ANPEP: variants seen among roughly 807,000 people sequenced by gnomAD.
ANPEP encodes the protein alanyl aminopeptidase, membrane, also known as aminopeptidase N.
A neutral mutation model predicts 114.6 loss-of-function variants in ANPEP; 70 were observed. The observed-to-expected ratio is 0.61, with a 90% CI of 0.50 to 0.75. The LOEUF (loss-of-function observed/expected upper bound fraction) is 0.75, where lower values mean the gene tolerates loss of function less well. Ranked by LOEUF, ANPEP falls within the 30% of genes least tolerant of loss-of-function variation. ANPEP has a pLI of 0.00. For synonymous variants in ANPEP, 548 were observed against 522.3 expected, an observed-to-expected ratio of 1.05 and a Z score of -0.67; for missense variants, 1,184 against 1,259.5, an observed-to-expected ratio of 0.94 and a Z score of 0.91.
rs779533907 is a variant in ANPEP at position 89,785,433 on chromosome 15, G to A, written c.2820C>T (p.Ala940=). The change falls in exon 21 of 21, where the codon GCC becomes GCT. Residue 940 remains alanine, a synonymous_variant. Coordinates refer to ENST00000300060, the MANE Select transcript of ANPEP (RefSeq NM_001150.3). ...FGSGTRALEQ[A]LEKTKANIKW... Reference sequence around the variant, plus strand: ...TGATGTTGGCTTTCGTCTTCTCCAGGGCTTGCTCCAGGGCCCGGGTGCCTG... The same window carrying A: ...TGATGTTGGCTTTCGTCTTCTCCAGAGCTTGCTCCAGGGCCCGGGTGCCTG... 24 of 1,614,028 alleles carry A rather than the reference G, an allele frequency of 1.5e-5. No individual in the cohort carries two copies. The highest frequency in any genetic ancestry group is 1.6e-4 in the Middle Eastern group (1 of 6,084).
intron 15 of ANPEP, among the ~76,000 whole-genome samples, chr15:89,797,083 G>C (rs1223142711): frequency 6.6e-6 from 1 of 152,040 alleles, no homozygotes; most frequent in African/African-American, 2.4e-5. Context: ...CTCCAAAGCA[G>C]CCAATACCCA....
rs749581855 is a variant in ANPEP, at chr15:89,805,095, C to A, written c.880G>T (p.Ala294Ser). Reference sequence around the variant, plus strand: ...CCTCATACCAAGACACCATTGGATGCCTGCTTCTCCACGTAGTCGAACTCA... The same window carrying A: ...CCTCATACCAAGACACCATTGGATGACTGCTTCTCCACGTAGTCGAACTCA... ...VSEFDYVEKQ[A>S]SNGVLIRIWA... is the part of the protein sequence containing the mutation. The change falls in exon 4 of 21, where the codon GCA (alanine) becomes TCA (serine). Residue 294 changes from alanine to serine, a missense_variant. Coordinates refer to ENST00000300060, the MANE Select transcript of ANPEP (RefSeq NM_001150.3). 1.9e-6 allele frequency: 3 copies of A among 1,614,108 alleles called. No homozygotes were observed. Among genetic ancestry groups the A allele is most frequent in the Non-Finnish European group, 2.5e-6 (3 of 1,180,030 alleles).
At chr15:89,792,897 C>A (rs1181452357) in intron 16 of ANPEP, 138 bp downstream of exon 16, 4 of 782,818 alleles carry the variant, frequency 5.1e-6, no homozygotes, top group South Asian at 3.3e-5. Flanking sequence ...CAGGGCAGGA[C>A]CTCCCTGCTC....
At position 89,804,233 on chromosome 15, in the gene ANPEP, T is replaced by G. The variant is rs199782208; in HGVS notation, c.1179+20A>C. ...GGAGCCCCTGTTTCCTTCTCCGCACTCCCCGAGATGGGGGTCTACCTGGTG... is the reference window on the plus strand; with the variant it reads ...GGAGCCCCTGTTTCCTTCTCCGCACGCCCCGAGATGGGGGTCTACCTGGTG... On this transcript the variant is annotated intron_variant, in intron 6 of 20. Coordinates refer to ENST00000300060, the MANE Select transcript of ANPEP (RefSeq NM_001150.3). 13 of 1,613,634 alleles carry G rather than the reference T, an allele frequency of 8.1e-6. No individual in the cohort carries two copies. The highest frequency in any genetic ancestry group is 1.0e-5 in the Non-Finnish European group (12 of 1,179,694).
In ANPEP at chr15:89,810,381, A is replaced by AAAAT. The variant is rs71464490; in HGVS notation, c.-223-3579_-223-3576dup. On this transcript the variant is annotated intron_variant, in intron 1 of 20. Transcript: ENST00000300060. ...GGGACGGTGTAAGACTCTGTCTCAA[A>AAAAT]AAATAAATAAATAAATAAATAAATA... Among the ~76,000 whole-genome samples the AAAAT allele has an allele frequency of 2.9e-3, 431 of 148,448 alleles. 1 individual carries two copies. The highest frequency in any genetic ancestry group is 6.9e-3 in the Middle Eastern group (2 of 290).
Position 89,806,710 on chromosome 15 carries a change from G to A in ANPEP, c.-127C>T, listed in dbSNP as rs1403386396. 9.3e-6 allele frequency: 13 copies of A among 1,395,816 alleles called. No homozygotes were observed. The highest frequency in any genetic ancestry group is 1.2e-5 in the Non-Finnish European group (13 of 1,061,154). The allele number at this position is 1,395,816 out of a possible 1,614,324, so 86.5% of individuals were successfully genotyped here. The stretch of plus-strand genomic sequence containing the variant: ...GCAGACTGGGCAAAAATTAACCAGG[G>A]CTCCAACAGGCGAAGGTCACTGGAC... On this transcript the variant is annotated 5_prime_UTR_variant, in exon 2 of 21. Coordinates refer to ENST00000300060, the MANE Select transcript of ANPEP (RefSeq NM_001150.3). The surrounding 1 kb of genome is among the most constrained non-coding windows in gnomAD (Gnocchi z 5.7).
chr15:89,793,538 T>C (rs1239307914), intron 15 of ANPEP, among the ~76,000 whole-genome samples: 1 of 151,804 alleles, frequency 6.6e-6, no homozygotes, highest in African/African-American at 2.4e-5. Context: ...ACGTCTCTAC[T>C]AAAACCACAA....
intron 1 of ANPEP, among the ~76,000 whole-genome samples, chr15:89,811,236 T>A (rs555222885): frequency 6.6e-6 from 1 of 152,370 alleles, no homozygotes; most frequent in East Asian, 1.9e-4. Context: ...TCCACCTTTG[T>A]GATTATTTAC....
chr15:89,801,146 C>T lies in ANPEP; in HGVS notation c.1784G>A (p.Arg595Lys), dbSNP rs1384882302. ...TATCAGCCAGTAGTCCTGCTGCTGT[C>T]TGCCATCTCTGATGGATGTGATGGG... ...IVPITSIRDG[R>K]QQQDYWLIDV... Residue 595 changes from arginine (R) to lysine (K), a missense_variant, in exon 12 of 21, where the codon AGA becomes AAA. By Grantham distance (26) the Arg-to-Lys change is conservative. Coordinates refer to ENST00000300060, the MANE Select transcript of ANPEP (RefSeq NM_001150.3). 3 of 1,614,072 alleles carry T rather than the reference C, an allele frequency of 1.9e-6. No individual in the cohort carries two copies. The highest frequency in any genetic ancestry group is 3.3e-4 in the Middle Eastern group (2 of 6,076).
At chr15:89,805,882 G>A (rs996692716) in intron 2 of ANPEP, 88 bp downstream of exon 2, 17 of 1,503,708 alleles carry the variant, frequency 1.1e-5, no homozygotes, top group Non-Finnish European at 1.5e-5. Flanking sequence ...TCAAAGGCCT[G>A]CAAGCTAAGT....
chr15:89,795,459 T>C (rs887315479), intron 15 of ANPEP, among the ~76,000 whole-genome samples: 4 of 151,014 alleles, frequency 2.6e-5, no homozygotes, highest in Non-Finnish European at 4.4e-5. Flanking sequence ...CCAGTCCTGA[T>C]TGGAAAAGGT....
intron 11 of ANPEP, 35 bp from the exon 12 acceptor site, chr15:89,801,222 C>T (rs758089954): frequency 5.9e-5 from 95 of 1,609,082 alleles, no homozygotes; most frequent in East Asian, 2.7e-4. Flanking sequence ...TGAGAGATGG[C>T]GGTGTGGTCA....
At position 89,792,277 on chromosome 15, in the gene ANPEP, C is replaced by T; in HGVS notation, c.2411G>A (p.Gly804Asp). Residue 804 changes from glycine to aspartate, a missense_variant, in exon 18 of 21, where the codon GGC becomes GAC. Transcript: ENST00000300060. Reference sequence around the variant, plus strand: ...GGCGAAGTCCCACTCCTCCTCCCCGCCCTGGGCGATAGCGTTGCAGTAGAC... The same window carrying T: ...GGCGAAGTCCCACTCCTCCTCCCCGTCCTGGGCGATAGCGTTGCAGTAGAC... ...STVYCNAIAQ[G>D]GEEEWDFAWE... The T allele has an allele frequency of 6.2e-7, 1 of 1,614,240 alleles. No homozygotes were observed. Among genetic ancestry groups the T allele is most frequent in the Non-Finnish European group, 8.5e-7 (1 of 1,180,050 alleles).
rs753539774 is a variant in ANPEP, at chr15:89,799,477, G to A, written c.1902C>T (p.Tyr634=). The change falls in exon 13 of 21, where the codon TAC becomes TAT. Residue 634 remains tyrosine (Y), a synonymous_variant. Transcript: ENST00000300060. The surrounding 1 kb of genome is among the most constrained non-coding windows in gnomAD (Gnocchi z 4.2). ...LNVTGYYRVN[Y]DEENWRKIQT... is the part of the protein sequence containing the mutation. Reference sequence around the variant, plus strand: ...GAATCTTCCTCCAGTTCTCTTCGTCGTAGTTCACCCGGTAATAGCCCGTCA... The same window carrying A: ...GAATCTTCCTCCAGTTCTCTTCGTCATAGTTCACCCGGTAATAGCCCGTCA... The A allele has an allele frequency of 2.4e-5, 38 of 1,614,164 alleles. No homozygotes were observed. The highest frequency in any genetic ancestry group is 4.4e-5 in the South Asian group (4 of 91,084).
intron 15 of ANPEP, among the ~76,000 whole-genome samples, chr15:89,794,887 C>A (rs1156430025): frequency 6.6e-6 from 1 of 152,148 alleles, no homozygotes; most frequent in Non-Finnish European, 1.5e-5. Flanking sequence ...AACCCATGGA[C>A]TAATTTTTGA....
Position 89,801,454 on chromosome 15 carries a change from T to C in ANPEP, c.1723A>G (p.Thr575Ala). The C allele has an allele frequency of 1.9e-6, 3 of 1,613,726 alleles. No individual in the cohort carries two copies. The highest frequency in any genetic ancestry group is 2.5e-6 in the Non-Finnish European group (3 of 1,179,894). Residue 575 changes from threonine (T) to alanine (A), a missense_variant, in exon 11 of 21, where the codon ACC (threonine) becomes GCC (alanine). Coordinates refer to ENST00000300060, the MANE Select transcript of ANPEP (RefSeq NM_001150.3). The stretch of plus-strand genomic sequence containing the variant: ...GCTCACTTGAATTCTGAGGGGCGGG[T>C]AACATTGGAATCGGGGTCAAGGAGG... The part of the protein sequence containing the change: ...HFLLDPDSNV[T>A]RPSEFNYVWI...
At chr15:89,798,227 CCAAA>C (rs1169355868) in intron 14 of ANPEP, among the ~76,000 whole-genome samples, 3 of 152,242 alleles carry the variant, frequency 2.0e-5, no homozygotes, top group Non-Finnish European at 4.4e-5. Context: ...GTACCTCACC[CCAAA>C]CAGAGTAGGT....
In ANPEP at chr15:89,801,490, G is replaced by C. The variant is rs373181522; in HGVS notation, c.1687C>G (p.Gln563Glu). 3.7e-6 allele frequency: 6 copies of C among 1,614,038 alleles called. No homozygotes were observed. The highest frequency in any genetic ancestry group is 4.2e-6 in the Non-Finnish European group (5 of 1,179,998). ...TCGGGGTCAAGGAGGAAGTGCTCCT[G>C]GGAAAGGGTCCCCGTGCTGGTATCC... is the stretch of plus-strand genomic sequence containing the variant. ...TVDTSTGTLSQEHFLLDPDSN... is the reference protein window; with the variant it reads ...TVDTSTGTLSEEHFLLDPDSN... The change falls in exon 11 of 21, where the codon CAG (glutamine) becomes GAG (glutamate). Residue 563 changes from glutamine (Q) to glutamate (E), a missense_variant. Physicochemically the swap from Gln to Glu is conservative, Grantham distance 29 (BLOSUM62 2). Coordinates refer to ENST00000300060, the MANE Select transcript of ANPEP (RefSeq NM_001150.3).
chr15:89,812,254 T>C (rs764888870), intron 1 of ANPEP, among the ~76,000 whole-genome samples: 53 of 152,212 alleles, frequency 3.5e-4, no homozygotes, highest in Non-Finnish European at 3.4e-4. Context: ...TCCCACTCAG[T>C]GTCCCTGACT....
Sources: allele counts gnomAD v4.1 joint callset (sites outside exome capture counted in the v4.1 genomes callset), GRCh38; gene constraint gnomAD v4.1.1; non-coding constraint Gnocchi (gnomAD v3.1); transcripts MANE v1.5; gene names NCBI Gene and HGNC (gene_info 2026-07-23, HGNC 2026-07-21).